The following DNAL1 variants were observed in gnomAD, a reference collection of about 807,000 sequenced individuals.
The protein encoded by DNAL1 is chromosome 14 open reading frame 168.
Under a neutral mutation model 29.4 loss-of-function variants are expected in DNAL1, and 17 were observed. That is an observed-to-expected ratio of 0.58 (90% confidence interval 0.40 to 0.87). The LOEUF (loss-of-function observed/expected upper bound fraction) is 0.87, where lower values mean the gene tolerates loss of function less well. Ranked by LOEUF, DNAL1 falls within the 40% of genes least tolerant of loss-of-function variation. The pLI is 0.00. For synonymous variants in DNAL1, 78 were observed against 76.3 expected, an observed-to-expected ratio of 1.02 and a Z score of -0.12; for missense variants, 188 against 214.1, an observed-to-expected ratio of 0.88 and a Z score of 0.76.
Position 73,654,890 on chromosome 14 carries a change from G to A in DNAL1, c.42+5G>A. The stretch of plus-strand genomic sequence containing the variant: ...AAAGAAGCCTTAGCGAGATGGGTGA[G>A]TACATGAGTTTTTCCTTCTTTTAGA... On this transcript the variant is annotated splice_donor_5th_base_variant and intron_variant, in intron 2 of 7. Transcript: ENST00000553645. The A allele has an allele frequency of 6.5e-7, 1 of 1,541,662 alleles. No homozygotes were observed.
At chr14:73,694,732 C>G (rs1227460392) in intron 7 of DNAL1, among the ~76,000 whole-genome samples, 2 of 151,514 alleles carry the variant, frequency 1.3e-5, no homozygotes, top group Non-Finnish European at 2.9e-5. Flanking sequence ...CTCTGTCGCC[C>G]AGGCTGGAGT....
At chr14:73,649,283 G>A (rs1891058486) in intron 1 of DNAL1, among the ~76,000 whole-genome samples, 2 of 143,460 alleles carry the variant, frequency 1.4e-5, no homozygotes, top group African/African-American at 5.2e-5. Context: ...TGATGTGTTT[G>A]ACATTTTTTT....
intron 1 of DNAL1, 137 bp downstream of exon 1, chr14:73,645,179 A>G: frequency 6.7e-7 from 1 of 1,482,528 alleles, no homozygotes; most frequent in Non-Finnish European, 9.2e-7. Flanking sequence ...CTGTGGAGTC[A>G]GGGGCCCGAG....
intron 5 of DNAL1, among the ~76,000 whole-genome samples, chr14:73,678,766 C>G (rs1891805227): frequency 6.6e-6 from 1 of 152,102 alleles, no homozygotes; most frequent in African/African-American, 2.4e-5. Flanking sequence ...AAGTGTCTAT[C>G]AGCAGTGGAC....
intron 3 of DNAL1, among the ~76,000 whole-genome samples, chr14:73,660,296 ATTTT>A (rs530288054): frequency 9.4e-4 from 143 of 152,100 alleles, no homozygotes; most frequent in African/African-American, 3.3e-3. Context: ...CTTTTAATTT[ATTTT>A]CTCAATACAT....
At chr14:73,661,550 G>A (rs1290485412) in intron 3 of DNAL1, among the ~76,000 whole-genome samples, 1 of 152,170 alleles carries the variant, frequency 6.6e-6, no homozygotes, top group Non-Finnish European at 1.5e-5. Flanking sequence ...TTCAAGACCA[G>A]CTTGGCCAAC....
rs1250165445 is a variant in DNAL1, at chr14:73,696,975, G to A, written c.*1033G>A. 6.6e-6 allele frequency: 1 copy of A among 152,202 alleles called. No homozygotes were observed. The highest frequency in any genetic ancestry group is 2.4e-5 in the African/African-American group (1 of 41,446). 9.4% of individuals were successfully genotyped at this position (152,202 alleles called of 1,614,324 possible). A position where few individuals can be genotyped will look rare whatever the true frequency, so the allele number is the denominator to read the frequency against. Reference sequence around the variant, plus strand: ...ACGTGGTTGTGGAGGGAAGGGAGATGTTTCATTATGAGATCCCAGGCAAAT... The same window carrying A: ...ACGTGGTTGTGGAGGGAAGGGAGATATTTCATTATGAGATCCCAGGCAAAT... On this transcript the variant is annotated 3_prime_UTR_variant, in exon 8 of 8. Transcript: ENST00000553645.
intron 5 of DNAL1, among the ~76,000 whole-genome samples, chr14:73,685,007 T>C (rs1891982959): frequency 6.6e-6 from 1 of 152,260 alleles, no homozygotes; most frequent in Admixed American, 6.5e-5. Flanking sequence ...TTTTTTGTTT[T>C]CAATACTTAC....
Position 73,702,957 on chromosome 14 carries a change from A to G in DNAL1, c.*7015A>G. On this transcript the variant is annotated 3_prime_UTR_variant, in exon 8 of 8. Coordinates refer to ENST00000553645, the MANE Select transcript of DNAL1 (RefSeq NM_031427.4). ...AGACCCCATCTCTACAAAAAAAAAA[A>G]AAGAAAAAAAAAATTAGTTGGGCAT... 6.6e-6 allele frequency: 1 copy of G among 152,198 alleles called. No individual in the cohort carries two copies. The allele number at this position is 152,198 out of a possible 1,614,324, so 9.4% of individuals were successfully genotyped here.
rs1255623674 is a variant in DNAL1, at chr14:73,701,060, CTG to C, written c.*5119_*5120del. Reference sequence around the variant, plus strand: ...AAGAAAACTGAAAGGAAGAACTAGACTGAGTCTTACCTTTCTCTGACCTAAGA... The same window carrying C: ...AAGAAAACTGAAAGGAAGAACTAGACAGTCTTACCTTTCTCTGACCTAAGA... On this transcript the variant is annotated 3_prime_UTR_variant, in exon 8 of 8. Coordinates refer to ENST00000553645, the MANE Select transcript of DNAL1 (RefSeq NM_031427.4). 2 of 152,216 alleles carry C rather than the reference CTG, an allele frequency of 1.3e-5. No homozygotes were observed. The highest frequency in any genetic ancestry group is 4.8e-5 in the African/African-American group (2 of 41,470). 9.4% of individuals were successfully genotyped at this position (152,216 alleles called of 1,614,324 possible). A position where few individuals can be genotyped will look rare whatever the true frequency, so the allele number is the denominator to read the frequency against.
chr14:73,657,218 C>T (rs1212750724), intron 2 of DNAL1, among the ~76,000 whole-genome samples: 5 of 151,968 alleles, frequency 3.3e-5, no homozygotes, highest in African/African-American at 9.7e-5. Context: ...TTTGTTAATT[C>T]GTTTGTTTTT....
intron 3 of DNAL1, among the ~76,000 whole-genome samples, chr14:73,661,033 G>A (rs1039061857): frequency 6.6e-5 from 10 of 152,048 alleles, no homozygotes; most frequent in Non-Finnish European, 1.2e-4. Flanking sequence ...TACCTGACTC[G>A]CACACTCATA....
In DNAL1 at chr14:73,698,316, A is replaced by G. The variant is rs1302373243; in HGVS notation, c.*2374A>G. ...GGAACCCATGCCATTAGAAAATGGCAGTTGGGATGTATGAAGAAATGTAGG... is the reference window on the plus strand; with the variant it reads ...GGAACCCATGCCATTAGAAAATGGCGGTTGGGATGTATGAAGAAATGTAGG... On this transcript the variant is annotated 3_prime_UTR_variant, in exon 8 of 8. Coordinates refer to ENST00000553645, the MANE Select transcript of DNAL1 (RefSeq NM_031427.4). 6.6e-6 allele frequency: 1 copy of G among 152,336 alleles called. No individual in the cohort carries two copies. Among genetic ancestry groups the G allele is most frequent in the East Asian group, 1.9e-4 (1 of 5,188 alleles). 9.4% of individuals were successfully genotyped at this position (152,336 alleles called of 1,614,324 possible). A position where few individuals can be genotyped will look rare whatever the true frequency, so the allele number is the denominator to read the frequency against.
rs188192955 is a variant in DNAL1, at chr14:73,645,159, G to A, written c.3+117G>A. ...GAACAGCGGAAGGGAGCCGGTAGCT[G>A]ACGCTAGCTCTGTGGAGTCAGGGGC... is the stretch of plus-strand genomic sequence containing the variant. On this transcript the variant is annotated intron_variant, in intron 1 of 7. Coordinates refer to ENST00000553645, the MANE Select transcript of DNAL1 (RefSeq NM_031427.4). 4.1e-5 allele frequency: 63 copies of A among 1,530,288 alleles called. No homozygotes were observed. The East Asian group carries it at 1.5e-3, about 36-fold the overall frequency. 94.8% of individuals were successfully genotyped at this position (1,530,288 alleles called of 1,614,324 possible).
chr14:73,665,274 G>C (rs1891451291), intron 4 of DNAL1, among the ~76,000 whole-genome samples: 1 of 152,016 alleles, frequency 6.6e-6, no homozygotes, highest in Non-Finnish European at 1.5e-5. Context: ...TATTTACATA[G>C]TGTTAACTAG....
chr14:73,659,052 T>G (rs1274840958), intron 3 of DNAL1, 96 bp downstream of exon 3: 2 of 903,148 alleles, frequency 2.2e-6, no homozygotes, highest in African/African-American at 3.4e-5. Context: ...TTCTGTGGTC[T>G]TCATTTATTT....
chr14:73,681,163 T>C (rs1891866013), intron 5 of DNAL1, among the ~76,000 whole-genome samples: 2 of 151,270 alleles, frequency 1.3e-5, no homozygotes, highest in African/African-American at 4.9e-5. Flanking sequence ...AGACGGAGTC[T>C]CACTCTGTCA....
intron 7 of DNAL1, among the ~76,000 whole-genome samples, chr14:73,692,743 T>C (rs901656014): frequency 1.3e-5 from 2 of 152,096 alleles, no homozygotes; most frequent in Non-Finnish European, 2.9e-5. Flanking sequence ...CTTAGTCTAT[T>C]CTAAACCAGT....
Position 73,696,321 on chromosome 14 carries a change from A to AT in DNAL1, c.*382dup. The stretch of plus-strand genomic sequence containing the variant: ...AGGTTAGACATTTTAAAAGATGTAC[A>AT]TTTGAAAATTCAGAACATTTTTCCT... On this transcript the variant is annotated 3_prime_UTR_variant, in exon 8 of 8. Coordinates refer to ENST00000553645, the MANE Select transcript of DNAL1 (RefSeq NM_031427.4). The AT allele has an allele frequency of 6.3e-6, 1 of 159,378 alleles. No individual in the cohort carries two copies. Among genetic ancestry groups the AT allele is most frequent in the South Asian group, 1.9e-4 (1 of 5,236 alleles). 9.9% of individuals were successfully genotyped at this position (159,378 alleles called of 1,614,324 possible). A position where few individuals can be genotyped will look rare whatever the true frequency, so the allele number is the denominator to read the frequency against.
Sources: allele counts gnomAD v4.1 joint callset (sites outside exome capture counted in the v4.1 genomes callset), GRCh38; gene constraint gnomAD v4.1.1; transcripts MANE v1.5; gene names NCBI Gene and HGNC (gene_info 2026-07-23, HGNC 2026-07-21).